The following MCTP2 variants were observed in gnomAD, a reference collection of about 807,000 sequenced individuals.
The protein encoded by MCTP2 is multiple C2 and transmembrane domain-containing protein 2.
MCTP2 carries 132 observed loss-of-function variants against 111.6 expected under a neutral mutation model. The ratio of observed to expected loss-of-function variants is 1.18; its 90% confidence interval spans 1.03 to 1.37. MCTP2 has a LOEUF of 1.37. Among genes scored for constraint, MCTP2 ranks in the 40% most tolerant of loss-of-function variants. MCTP2 has a pLI of 0.00. For synonymous variants in MCTP2, 395 were observed against 387.7 expected, an observed-to-expected ratio of 1.02 and a Z score of -0.22; for missense variants, 1,183 against 1,067.9, an observed-to-expected ratio of 1.11 and a Z score of -1.50.
At chr15:94,260,226 C>T (rs912117708) in intron 1 of MCTP2, among the ~76,000 whole-genome samples, 1 of 152,136 alleles carries the variant, frequency 6.6e-6, no homozygotes, top group Non-Finnish European at 1.5e-5. Flanking sequence ...GAAAATTCCT[C>T]CCCGACTCAG....
chr15:94,458,023 CTT>C lies in MCTP2; in HGVS notation c.2251-113_2251-112del, dbSNP rs1364418017. ...TAAGTTGTAAAACAATGATTTATCT[CTT>C]GTGTCACTCTATTGGTAAAAACCTT... is the stretch of plus-strand genomic sequence containing the variant. On this transcript the variant is annotated intron_variant, in intron 19 of 22. Transcript: ENST00000357742. 27 of 627,006 alleles carry C rather than the reference CTT, an allele frequency of 4.3e-5. No individual in the cohort carries two copies. In the South Asian group the frequency reaches 4.6e-4, roughly 11 times the overall value. 38.8% of individuals were successfully genotyped at this position (627,006 alleles called of 1,614,324 possible).
At chr15:94,281,238 C>T (rs1035328132) in intron 1 of MCTP2, among the ~76,000 whole-genome samples, 10 of 152,132 alleles carry the variant, frequency 6.6e-5, no homozygotes, top group African/African-American at 2.4e-4. Context: ...ATGAATCTGG[C>T]TGCTCCAGTG....
intron 20 of MCTP2, among the ~76,000 whole-genome samples, chr15:94,467,907 T>A (rs1396594495): frequency 6.6e-6 from 1 of 152,066 alleles, no homozygotes; most frequent in East Asian, 1.9e-4. Context: ...AAATTCAGAA[T>A]AACAAAGATA....
intron 19 of MCTP2, among the ~76,000 whole-genome samples, chr15:94,444,725 G>T (rs2084018863): frequency 6.6e-6 from 1 of 152,150 alleles, no homozygotes; most frequent in Non-Finnish European, 1.5e-5. Flanking sequence ...CCAGGAACCA[G>T]GGACAAAGAA....
intron 4 of MCTP2, among the ~76,000 whole-genome samples, chr15:94,317,291 A>G (rs942073068): frequency 6.6e-6 from 1 of 151,864 alleles, no homozygotes; most frequent in East Asian, 1.9e-4. Context: ...CTCTTCCCCC[A>G]TCTGTGGATG....
At chr15:94,435,722 C>G (rs1227390859) in intron 17 of MCTP2, among the ~76,000 whole-genome samples, 2 of 135,244 alleles carry the variant, frequency 1.5e-5, no homozygotes, top group Admixed American at 7.4e-5. Flanking sequence ...AGCTCCGCCT[C>G]CCGGGTTCAC....
At chr15:94,449,012 C>G (rs2084285846) in intron 19 of MCTP2, among the ~76,000 whole-genome samples, 1 of 152,112 alleles carries the variant, frequency 6.6e-6, no homozygotes. Context: ...TGAATTCCAG[C>G]CTGGCGACAG....
At position 94,340,824 on chromosome 15, in the gene MCTP2, A is replaced by T; in HGVS notation, c.869A>T (p.His290Leu). The T allele has an allele frequency of 6.2e-7, 1 of 1,609,204 alleles. No individual in the cohort carries two copies. Residue 290 changes from histidine to leucine, a missense_variant, in exon 7 of 23, where the codon CAT becomes CTT. Transcript: ENST00000357742. ...SDLELNRTTE[H>L]ILKLEDPNSL... Reference sequence around the variant, plus strand: ...CTTTTTGCTTGTAGAACAACTGAACATATTTTAAAACTGGAAGATCCAAAC... The same window carrying T: ...CTTTTTGCTTGTAGAACAACTGAACTTATTTTAAAACTGGAAGATCCAAAC...
At chr15:94,339,246 A>G in intron 4 of MCTP2, 44 bp from the exon 5 acceptor site, 1 of 1,440,108 alleles carries the variant, frequency 6.9e-7, no homozygotes, top group Non-Finnish European at 9.5e-7. Context: ...CCAGGCTTTT[A>G]CATGTATTTT....
At chr15:94,470,308 T>G in intron 20 of MCTP2, 25 bp from the exon 21 acceptor site, 1 of 1,474,144 alleles carries the variant, frequency 6.8e-7, no homozygotes, top group Non-Finnish European at 9.5e-7. Flanking sequence ...TCAGAGGAAA[T>G]TATATTTATG....
intron 1 of MCTP2, among the ~76,000 whole-genome samples, chr15:94,297,364 C>A (rs1159108051): frequency 1.3e-5 from 2 of 152,200 alleles, no homozygotes; most frequent in Admixed American, 6.5e-5. Flanking sequence ...GCCACACTTT[C>A]ATTCACATTC....
At chr15:94,255,617 T>A (rs149376956) in intron 1 of MCTP2, among the ~76,000 whole-genome samples, 1,579 of 152,246 alleles carry the variant, frequency 0.01, 78 homozygotes, top group East Asian at 0.017. Flanking sequence ...TCGTGAAGAA[T>A]CCTGGGATAT....
At chr15:94,252,027 C>T (rs1166974521) in intron 1 of MCTP2, among the ~76,000 whole-genome samples, 4 of 152,132 alleles carry the variant, frequency 2.6e-5, no homozygotes, top group African/African-American at 4.8e-5. Flanking sequence ...TTTGTTCATT[C>T]GTAGACACTT....
intron 11 of MCTP2, among the ~76,000 whole-genome samples, 197 bp downstream of exon 11, chr15:94,367,988 A>G (rs2079289258): frequency 6.6e-6 from 1 of 152,232 alleles, no homozygotes; most frequent in South Asian, 2.1e-4. Flanking sequence ...TAGAATTAAG[A>G]GTTGGTTTTG....
At chr15:94,324,964 G>A (rs998952877) in intron 4 of MCTP2, among the ~76,000 whole-genome samples, 4 of 152,200 alleles carry the variant, frequency 2.6e-5, no homozygotes, top group African/African-American at 9.7e-5. Context: ...GAGCAGCGGT[G>A]TAGCTTCCCA....
intron 4 of MCTP2, 110 bp from the exon 5 acceptor site, chr15:94,339,180 G>T: frequency 1.3e-6 from 1 of 760,260 alleles, no homozygotes; most frequent in Non-Finnish European, 2.0e-6. Flanking sequence ...TTTAATCTCT[G>T]TGCAGGGAGA....
At chr15:94,237,682 A>G (rs921821126) in intron 1 of MCTP2, among the ~76,000 whole-genome samples, 4 of 152,184 alleles carry the variant, frequency 2.6e-5, no homozygotes, top group Non-Finnish European at 4.4e-5. Context: ...GTGGGGTCAC[A>G]TGTGCATCTG....
chr15:94,386,557 C>T (rs1490790753), intron 14 of MCTP2, among the ~76,000 whole-genome samples: 1 of 152,232 alleles, frequency 6.6e-6, no homozygotes, highest in Non-Finnish European at 1.5e-5. Context: ...CTCCCTGGTA[C>T]GGCTGGCTCC....
At chr15:94,366,469 T>TC (rs1302904055) in intron 10 of MCTP2, among the ~76,000 whole-genome samples, 1 of 152,216 alleles carries the variant, frequency 6.6e-6, no homozygotes, top group Non-Finnish European at 1.5e-5. Context: ...TTGCTAGCTT[T>TC]CTCTTAAATT....
Sources: allele counts gnomAD v4.1 joint callset (sites outside exome capture counted in the v4.1 genomes callset), GRCh38; gene constraint gnomAD v4.1.1; transcripts MANE v1.5; gene names NCBI Gene and HGNC (gene_info 2026-07-23, HGNC 2026-07-21).